Variants in ANKFN1 observed in about 807,000 individuals in gnomAD.
ANKFN1 encodes the protein ankyrin repeat and fibronectin type III domain containing 1.
ANKFN1 carries 74 observed loss-of-function variants against 108.7 expected under a neutral mutation model. The observed-to-expected ratio is 0.68, with a 90% CI of 0.56 to 0.83. ANKFN1 has a LOEUF of 0.83. Ranked by LOEUF, ANKFN1 falls within the 40% of genes least tolerant of loss-of-function variation. ANKFN1 has a pLI of 0.00. For missense variants in ANKFN1, 1,505 were observed against 1,382.3 expected, an observed-to-expected ratio of 1.09 and a Z score of -1.41; for synonymous variants, 547 against 516.2, an observed-to-expected ratio of 1.06 and a Z score of -0.81.
intron 1 of ANKFN1, among the ~76,000 whole-genome samples, chr17:56,197,391 T>TG (rs1158298716): frequency 1.3e-5 from 2 of 152,242 alleles, no homozygotes; most frequent in African/African-American, 2.4e-5. Context: ...ACCTGAATTG[T>TG]GGGGAGGTCT....
intron 4 of ANKFN1, among the ~76,000 whole-genome samples, chr17:56,105,231 G>A (rs114784557): frequency 9.9e-4 from 150 of 152,272 alleles, no homozygotes; most frequent in African/African-American, 3.4e-3. Flanking sequence ...TAGTCAAGGA[G>A]CATGGATTTG....
intron 6 of ANKFN1, among the ~76,000 whole-genome samples, chr17:56,369,566 GCTT>G (rs1243682127): frequency 6.6e-6 from 1 of 152,050 alleles, no homozygotes; most frequent in Non-Finnish European, 1.5e-5. Context: ...ATATTTACTT[GCTT>G]CTGCTTAAAA....
chr17:56,460,335 A>C (rs111901806), intron 14 of ANKFN1, among the ~76,000 whole-genome samples: 401 of 152,200 alleles, frequency 2.6e-3, no homozygotes, highest in Middle Eastern at 0.01. Flanking sequence ...CATCTGCAGT[A>C]CTGGCTACTC....
At chr17:56,059,339 T>A (rs1310335203) in intron 4 of ANKFN1, among the ~76,000 whole-genome samples, 1 of 152,234 alleles carries the variant, frequency 6.6e-6, no homozygotes, top group African/African-American at 2.4e-5. Context: ...TAGACCTTTG[T>A]CAGATGGGCA....
intron 4 of ANKFN1, among the ~76,000 whole-genome samples, chr17:56,121,332 C>T (rs55923584): frequency 0.043 from 6,491 of 151,926 alleles, 464 homozygotes; most frequent in African/African-American, 0.15. Context: ...AGAGAATCAG[C>T]GCCTTAGTGT....
chr17:56,432,407 T>C (rs1426186933), intron 8 of ANKFN1, among the ~76,000 whole-genome samples: 1 of 152,220 alleles, frequency 6.6e-6, no homozygotes, highest in Non-Finnish European at 1.5e-5. Flanking sequence ...ATTGTAATAA[T>C]GTATAATAAA....
intron 3 of ANKFN1, among the ~76,000 whole-genome samples, chr17:56,244,232 G>C (rs1318203912): frequency 6.6e-6 from 1 of 152,112 alleles, no homozygotes; most frequent in African/African-American, 2.4e-5. Flanking sequence ...GTCAGACACT[G>C]TGCTAGGTGA....
chr17:56,239,694 C>T (rs1052930230), intron 3 of ANKFN1, among the ~76,000 whole-genome samples: 21 of 152,064 alleles, frequency 1.4e-4, no homozygotes, highest in African/African-American at 3.1e-4. Flanking sequence ...TAGACATTTT[C>T]GCTCCTCTTT....
intron 3 of ANKFN1, among the ~76,000 whole-genome samples, chr17:56,230,721 A>G (rs1204340150): frequency 6.6e-6 from 1 of 151,670 alleles, no homozygotes; most frequent in Non-Finnish European, 1.5e-5. Flanking sequence ...TGCCAAAGAA[A>G]CCTGAATTAT....
chr17:56,050,917 C>A (rs1186272315), intron 4 of ANKFN1, among the ~76,000 whole-genome samples: 1 of 148,332 alleles, frequency 6.7e-6, no homozygotes, highest in Non-Finnish European at 1.5e-5. Context: ...GAAATTGTGG[C>A]AATAATCAAT....
intron 4 of ANKFN1, among the ~76,000 whole-genome samples, chr17:56,123,331 G>A (rs1387057389): frequency 6.6e-6 from 1 of 152,208 alleles, no homozygotes; most frequent in African/African-American, 2.4e-5. Flanking sequence ...GCATCTCAGA[G>A]AGATGGGGCT....
chr17:56,174,161 T>C, intron 1 of ANKFN1: 11 of 984,880 alleles, frequency 1.1e-5, no homozygotes, highest in Non-Finnish European at 1.3e-5. Flanking sequence ...ATTCATTCTC[T>C]GGAGGCTGCA....
intron 3 of ANKFN1, among the ~76,000 whole-genome samples, chr17:56,309,779 A>G (rs994997477): frequency 3.9e-5 from 6 of 152,252 alleles, no homozygotes; most frequent in Non-Finnish European, 7.3e-5. Flanking sequence ...ACAATAACTA[A>G]TAATAAAATA....
intron 2 of ANKFN1, among the ~76,000 whole-genome samples, chr17:56,220,828 A>AGGG (rs1915809147): frequency 2.4e-5 from 1 of 42,130 alleles, no homozygotes; most frequent in Non-Finnish European, 3.8e-5. Flanking sequence ...GGAAGGAAGG[A>AGGG]AGGGAGGAAG....
At chr17:56,344,080 C>A (rs1355691928) in intron 4 of ANKFN1, among the ~76,000 whole-genome samples, 1 of 151,918 alleles carries the variant, frequency 6.6e-6, no homozygotes, top group Non-Finnish European at 1.5e-5. Context: ...CTGCAGGAAT[C>A]ATTTCTATTG....
chr17:56,305,528 T>C (rs1216369377), intron 3 of ANKFN1, among the ~76,000 whole-genome samples: 1 of 152,226 alleles, frequency 6.6e-6, no homozygotes, highest in Non-Finnish European at 1.5e-5. Flanking sequence ...GAGAAATCTT[T>C]ATATATTCTA....
chr17:56,444,212 A>AC (rs11418328), intron 10 of ANKFN1, among the ~76,000 whole-genome samples: 121,446 of 152,032 alleles, frequency 0.8, 48,824 homozygotes, highest in East Asian at 0.97. Context: ...TTTTAAAAAA[A>AC]ATTGTGTGGA....
intron 8 of ANKFN1, among the ~76,000 whole-genome samples, chr17:56,395,613 C>T (rs1055788689): frequency 6.6e-6 from 1 of 152,160 alleles, no homozygotes; most frequent in African/African-American, 2.4e-5. Flanking sequence ...CTTTGGGAGG[C>T]CAAGGCAGGC....
intron 8 of ANKFN1, among the ~76,000 whole-genome samples, chr17:56,375,024 C>A (rs2046908849): frequency 6.6e-6 from 1 of 152,138 alleles, no homozygotes; most frequent in Non-Finnish European, 1.5e-5. Flanking sequence ...GAGTAGGAAA[C>A]ACTGAAGAAT....
Sources: gnomAD v4.1 joint callset for allele counts (sites outside exome capture counted in the v4.1 genomes callset) on GRCh38, gnomAD v4.1.1 for gene constraint, MANE v1.5 for transcripts, NCBI Gene and HGNC (gene_info 2026-07-23, HGNC 2026-07-21) for gene names.